CDKL5: variants seen among roughly 807,000 people sequenced by gnomAD.
CDKL5 encodes cyclin-dependent kinase-like 5.
In CDKL5, 8 loss-of-function variants were observed where a neutral mutation model predicts 61.7. The observed-to-expected ratio is 0.13, with a 90% confidence interval of 0.08 to 0.23. CDKL5 has a LOEUF of 0.23. CDKL5 is among the 10% of genes least tolerant of loss of function. CDKL5 has a pLI of 1.00. For synonymous variants in CDKL5, 275 were observed against 272.3 expected (o/e 1.01, Z -0.10); for missense variants, 440 against 734.5 (o/e 0.60, Z 4.63).
intron 3 of CDKL5, among the ~76,000 whole-genome samples, chrX:18,551,283 G>T (rs958356166): frequency 5.4e-5 from 6 of 110,385 alleles, no homozygotes; most frequent in African/African-American, 2.0e-4. Flanking sequence ...TATACAATAA[G>T]ATGTACCCAT....
intron 1 of CDKL5, among the ~76,000 whole-genome samples, chrX:18,450,655 A>G (rs1323850506): frequency 1.8e-5 from 2 of 110,662 alleles, no homozygotes; most frequent in South Asian, 3.8e-4. Flanking sequence ...GCTCACTGCA[A>G]CCTCCGCCTC....
chrX:18,456,338 G>A, intron 1 of CDKL5, among the ~76,000 whole-genome samples: 1 of 111,533 alleles, frequency 9.0e-6, no homozygotes, highest in Middle Eastern at 4.6e-3. Flanking sequence ...GCGCCCGCCC[G>A]TCACAACCCA....
At chrX:18,539,924 C>G (rs1178180958) in intron 3 of CDKL5, among the ~76,000 whole-genome samples, 1 of 111,357 alleles carries the variant, frequency 9.0e-6, no homozygotes, top group Non-Finnish European at 1.9e-5. Flanking sequence ...CCTTTAGACC[C>G]TTTTGCCCTC....
Position 18,634,996 on chromosome X carries a change from T to C in CDKL5, c.*6239T>C. On this transcript the variant is annotated 3_prime_UTR_variant, in exon 18 of 18. Transcript: ENST00000623535. ...GTAGATGAAGAATCAGTGGAAATTC[T>C]TAATTGCACAGACTTTATAATCCAT... is the stretch of plus-strand genomic sequence containing the variant. 2.7e-6 allele frequency: 2 copies of C among 747,487 alleles called. No individual in the cohort carries two copies. Among genetic ancestry groups the C allele is most frequent in the Non-Finnish European group, 3.1e-6 (2 of 635,735 alleles). The allele number at this position is 747,487 out of a possible 1,213,427, so 61.6% of individuals were successfully genotyped here.
intron 1 of CDKL5, among the ~76,000 whole-genome samples, chrX:18,474,446 C>T (rs180752151): frequency 6.7e-4 from 75 of 111,627 alleles, no homozygotes; most frequent in Non-Finnish European, 1.1e-4. Flanking sequence ...AACCATTTTC[C>T]CTCATCCTCA....
At chrX:18,456,590 G>A (rs1932148318) in intron 1 of CDKL5, among the ~76,000 whole-genome samples, 2 of 111,857 alleles carry the variant, frequency 1.8e-5, no homozygotes, top group South Asian at 7.4e-4. Context: ...TATATGAGGA[G>A]GAGAGATTAA....
At chrX:18,499,987 T>G (rs1922325128) in intron 1 of CDKL5, among the ~76,000 whole-genome samples, 1 of 111,497 alleles carries the variant, frequency 9.0e-6, no homozygotes, top group Non-Finnish European at 1.9e-5. Flanking sequence ...TAATCCAAAG[T>G]ACATTTAAAG....
At chrX:18,456,606 G>T (rs1932148781) in intron 1 of CDKL5, among the ~76,000 whole-genome samples, 1 of 111,782 alleles carries the variant, frequency 8.9e-6, no homozygotes, top group African/African-American at 3.2e-5. Context: ...ATTAATTCAA[G>T]CCTGAAGGAA....
chrX:18,497,005 C>A (rs778378770), intron 1 of CDKL5, among the ~76,000 whole-genome samples: 2 of 98,690 alleles, frequency 2.0e-5, no homozygotes, highest in East Asian at 6.3e-4. Flanking sequence ...TTTTTTTTTT[C>A]TTTTTGAGAT....
At position 18,631,088 on chromosome X, in the gene CDKL5, C is replaced by T. The variant is rs1388651605; in HGVS notation, c.*2331C>T. 1 of 750,095 alleles carries T rather than the reference C, an allele frequency of 1.3e-6. No homozygotes were observed. The highest frequency in any genetic ancestry group is 1.6e-6 in the Non-Finnish European group (1 of 638,497). The allele number at this position is 750,095 out of a possible 1,213,427, so 61.8% of individuals were successfully genotyped here. A position where few individuals can be genotyped will look rare whatever the true frequency, so the allele number is the denominator to read the frequency against. On this transcript the variant is annotated 3_prime_UTR_variant, in exon 18 of 18. Coordinates refer to ENST00000623535, the MANE Select transcript of CDKL5 (RefSeq NM_001323289.2). ...GCATTCGAGGCTCGTCACCTAGGGGCTGGTTTCCCATGTTGTCATCCTTGC... is the reference window on the plus strand; with the variant it reads ...GCATTCGAGGCTCGTCACCTAGGGGTTGGTTTCCCATGTTGTCATCCTTGC...
chrX:18,430,370 C>T (rs930766105), intron 1 of CDKL5, among the ~76,000 whole-genome samples: 2 of 112,040 alleles, frequency 1.8e-5, no homozygotes, highest in African/African-American at 3.2e-5. Flanking sequence ...TTATAATTTG[C>T]AGATGGGCAC....
chrX:18,430,296 T>A lies in CDKL5; in HGVS notation c.-163+4601T>A, dbSNP rs188089685. 4.3e-3 allele frequency among the ~76,000 whole-genome samples: 483 copies of A among 112,538 alleles called. 2 individuals carry two copies. The Middle Eastern group carries it at 0.046, about 11-fold the overall frequency. ...TACATTTGCTACACTAATAAAGGCT[T>A]CGAAGATACTCCTTGAATTCAATTT... is the stretch of plus-strand genomic sequence containing the variant. On this transcript the variant is annotated intron_variant, in intron 1 of 17. Transcript: ENST00000623535.
At chrX:18,595,908 C>G in intron 10 of CDKL5, among the ~76,000 whole-genome samples, 1 of 111,914 alleles carries the variant, frequency 8.9e-6, no homozygotes, top group East Asian at 2.8e-4. Flanking sequence ...ATTGCTAATG[C>G]TGTGGCCTGA....
At chrX:18,519,840 G>A (rs898757885) in intron 3 of CDKL5, among the ~76,000 whole-genome samples, 9 of 112,262 alleles carry the variant, frequency 8.0e-5, no homozygotes, top group Admixed American at 9.4e-5. Context: ...TCAAAGGAAC[G>A]TAAATAAGAA....
At chrX:18,511,729 G>A (rs574953357) in intron 3 of CDKL5, among the ~76,000 whole-genome samples, 1 of 111,919 alleles carries the variant, frequency 8.9e-6, no homozygotes, top group South Asian at 3.7e-4. Context: ...ATTAAGTGAT[G>A]CATGACTGTA....
In CDKL5 at chrX:18,443,815, C is replaced by G. The variant is rs753898094; in HGVS notation, c.-163+18120C>G. 3.6e-5 allele frequency: 4 copies of G among 111,209 alleles called. No homozygotes were observed. In the East Asian group the frequency reaches 8.5e-4, roughly 24 times the overall value. The allele number at this position is 111,209 out of a possible 1,213,427, so 9.2% of individuals were successfully genotyped here. A position where few individuals can be genotyped will look rare whatever the true frequency, so the allele number is the denominator to read the frequency against. On this transcript the variant is annotated intron_variant, in intron 1 of 17. Transcript: ENST00000623535. ...TCCCGTTAATTTTTAGTTTTTTGGT[C>G]TAGGCTGGTCTGGAACTCCTGGCTT...
At chrX:18,544,838 T>C (rs1924136981) in intron 3 of CDKL5, among the ~76,000 whole-genome samples, 1 of 112,257 alleles carries the variant, frequency 8.9e-6, no homozygotes, top group African/African-American at 3.2e-5. Context: ...AAATAACCAG[T>C]AATAGGTTAC....
intron 8 of CDKL5, chrX:18,587,606 C>G: frequency 4.9e-6 from 1 of 202,547 alleles, no homozygotes; most frequent in Non-Finnish European, 9.0e-6. Flanking sequence ...TTAGAAAATA[C>G]AATTATTTGG....
At position 18,474,275 on chromosome X, in the gene CDKL5, G is replaced by A. The variant is rs138131880; in HGVS notation, c.-162-32660G>A. ...CTTCATTTTTACAAGACCGTGAGGA[G>A]ATTATTCATGGTATAGTATGGTATC... On this transcript the variant is annotated intron_variant, in intron 1 of 17. Transcript: ENST00000623535. Among the ~76,000 whole-genome samples, 451 of 111,726 alleles carry A rather than the reference G, an allele frequency of 4.0e-3. 2 individuals are homozygous for A. The highest frequency in any genetic ancestry group is 0.014 in the African/African-American group (439 of 30,793).
Sources: allele counts gnomAD v4.1 joint callset (sites outside exome capture counted in the v4.1 genomes callset), GRCh38; gene constraint gnomAD v4.1.1; transcripts MANE v1.5; gene names NCBI Gene and HGNC (gene_info 2026-07-23, HGNC 2026-07-21).